UBE2D4: variants seen among roughly 807,000 people sequenced by gnomAD.
UBE2D4 encodes the protein ubiquitin-conjugating enzyme E2 D4.
A neutral mutation model predicts 23.0 loss-of-function variants in UBE2D4; 17 were observed. That is an observed-to-expected ratio of 0.74 (90% CI 0.51 to 1.11). The LOEUF is 1.11. Ranked by LOEUF, UBE2D4 falls within the 50% of genes least tolerant of loss-of-function variation. The pLI is 0.00. For missense variants in UBE2D4, 139 were observed against 181.8 expected, an observed-to-expected ratio of 0.76 and a Z score of 1.35; for synonymous variants, 61 against 69.4, an observed-to-expected ratio of 0.88 and a Z score of 0.60.
At chr7:43,929,859 T>C (rs1390259400) in intron 1 of UBE2D4, among the ~76,000 whole-genome samples, 2 of 152,228 alleles carry the variant, frequency 1.3e-5, no homozygotes, top group Non-Finnish European at 2.9e-5. Context: ...TAAAAGTGTG[T>C]CAAGCCTGCC....
At chr7:43,950,810 A>G in intron 6 of UBE2D4, 118 bp downstream of exon 6, 1 of 779,746 alleles carries the variant, frequency 1.3e-6, no homozygotes, top group Non-Finnish European at 2.2e-6. Flanking sequence ...CTTCCTGCCC[A>G]TGCTGAGCCA....
At chr7:43,951,990 C>T (rs1554297299) in intron 6 of UBE2D4, 1 of 151,828 alleles carries the variant, frequency 6.6e-6, no homozygotes, top group Non-Finnish European at 1.5e-5. Context: ...TTTTTCAGTG[C>T]CTCTTGTAAC....
rs1193280461 is a variant in UBE2D4 at position 43,953,238 on chromosome 7, T to C, written c.*543T>C. ...ACAGTGTCACTGGGAAGTGAAGGCC[T>C]AGCCCTGTGGCTTCCACCAGTCTCC... On this transcript the variant is annotated 3_prime_UTR_variant, in exon 7 of 7. Transcript: ENST00000222402. 6.6e-6 allele frequency: 3 copies of C among 456,252 alleles called. No individual in the cohort carries two copies. Among genetic ancestry groups the C allele is most frequent in the Non-Finnish European group, 1.3e-5 (3 of 226,870 alleles). The allele number at this position is 456,252 out of a possible 1,614,324, so 28.3% of individuals were successfully genotyped here.
intron 1 of UBE2D4, among the ~76,000 whole-genome samples, chr7:43,933,013 T>TATATATACAC (rs1340458201): frequency 0.043 from 4,969 of 116,558 alleles, 357 homozygotes; most frequent in South Asian, 0.06. Flanking sequence ...TATATATATA[T>TATATATACAC]ACACACACAT....
At chr7:43,933,188 T>C (rs1214442274) in intron 1 of UBE2D4, among the ~76,000 whole-genome samples, 16 of 151,494 alleles carry the variant, frequency 1.1e-4, no homozygotes, top group Admixed American at 1.1e-3. Context: ...TACCTATTCA[T>C]GTAATTGTAG....
At chr7:43,938,318 T>C in intron 1 of UBE2D4, 113 bp from the exon 2 acceptor site, 1 of 983,754 alleles carries the variant, frequency 1.0e-6, no homozygotes, top group Non-Finnish European at 1.6e-6. Flanking sequence ...AACCCCCTCC[T>C]GAGGCCTAGG....
rs760556587 is a variant in UBE2D4, at chr7:43,948,695, A to AT, written c.263dup (p.Leu89ProfsTer29). 1 of 1,613,968 alleles carries AT rather than the reference A, an allele frequency of 6.2e-7. No individual in the cohort carries two copies. The highest frequency in any genetic ancestry group is 1.1e-5 in the South Asian group (1 of 91,074). On this transcript the variant is annotated frameshift_variant, in exon 5 of 7. Coordinates refer to ENST00000222402, the MANE Select transcript of UBE2D4 (RefSeq NM_015983.4). LOFTEE classifies it high-confidence loss of function. ...CAGCAATGGCAGCATCTGCCTTGAT[A>AT]TCCTGCGGTCTCAGTGGTCTCCAGC... is the stretch of plus-strand genomic sequence containing the variant.
Position 43,926,442 on chromosome 7 carries a change from C to G in UBE2D4, c.-91C>G. On this transcript the variant is annotated 5_prime_UTR_variant, in exon 1 of 7. Transcript: ENST00000222402. ...GCGCGCGCAAGCGCAGGCTGCGGCT[C>G]CCGGCGTGCAGCTTGGTGGCGGCTG... 1 of 1,190,264 alleles carries G rather than the reference C, an allele frequency of 8.4e-7. No individual in the cohort carries two copies. Among genetic ancestry groups the G allele is most frequent in the Non-Finnish European group, 1.1e-6 (1 of 924,634 alleles). 73.7% of individuals were successfully genotyped at this position (1,190,264 alleles called of 1,614,324 possible).
chr7:43,930,609 C>A lies in UBE2D4; in HGVS notation c.24+4053C>A, dbSNP rs184185398. ...AGCTGGGATTACAGGTGCCTGCCAC[C>A]ACATCTGGCTAATTTAAAATTTTTT... On this transcript the variant is annotated intron_variant, in intron 1 of 6. Transcript: ENST00000222402. Among the ~76,000 whole-genome samples the A allele has an allele frequency of 2.8e-4, 43 of 152,088 alleles. No individual in the cohort carries two copies. In the East Asian group the frequency reaches 7.7e-3, roughly 27 times the overall value.
intron 1 of UBE2D4, among the ~76,000 whole-genome samples, chr7:43,936,100 T>G (rs1216746029): frequency 1.3e-5 from 2 of 152,248 alleles, no homozygotes; most frequent in Admixed American, 1.3e-4. Context: ...CTCGAACTCC[T>G]GACATCAGGC....
At chr7:43,938,403 A>C in intron 1 of UBE2D4, 28 bp from the exon 2 acceptor site, 1 of 1,609,978 alleles carries the variant, frequency 6.2e-7, no homozygotes, top group South Asian at 1.1e-5. Context: ...AGCATACAGC[A>C]GCTCTGACCC....
intron 1 of UBE2D4, among the ~76,000 whole-genome samples, chr7:43,932,460 A>G (rs138264490): frequency 6.2e-4 from 95 of 152,332 alleles, no homozygotes; most frequent in African/African-American, 2.3e-3. Flanking sequence ...TACATATTTA[A>G]CACATATATT....
At position 43,948,689 on chromosome 7, in the gene UBE2D4, C is replaced by A; in HGVS notation, c.256C>A (p.Leu86Ile). ...TATCAACAGCAATGGCAGCATCTGC[C>A]TTGATATCCTGCGGTCTCAGTGGTC... ...PNINSNGSICLDILRSQWSPA... is the reference protein window; with the variant it reads ...PNINSNGSICIDILRSQWSPA... The change falls in exon 5 of 7, where the codon CTT becomes ATT. Residue 86 changes from leucine (L) to isoleucine (I), a missense_variant. Physicochemically the swap from Leu to Ile is conservative, Grantham distance 5 (BLOSUM62 2). Coordinates refer to ENST00000222402, the MANE Select transcript of UBE2D4 (RefSeq NM_015983.4). 6.2e-7 allele frequency: 1 copy of A among 1,613,842 alleles called. No individual in the cohort carries two copies. Among genetic ancestry groups the A allele is most frequent in the Non-Finnish European group, 8.5e-7 (1 of 1,179,944 alleles).
chr7:43,952,491 T>A, intron 6 of UBE2D4, 159 bp from the exon 7 acceptor site: 1 of 682,834 alleles, frequency 1.5e-6, no homozygotes, highest in Non-Finnish European at 2.6e-6. Flanking sequence ...GATGTGCTCC[T>A]GCTCCAGGGA....
chr7:43,928,281 A>G (rs1190994039), intron 1 of UBE2D4, among the ~76,000 whole-genome samples: 1 of 152,166 alleles, frequency 6.6e-6, no homozygotes, highest in African/African-American at 2.4e-5. Context: ...AACACTGGCG[A>G]TCACATTTCA....
intron 2 of UBE2D4, among the ~76,000 whole-genome samples, chr7:43,938,717 TC>T (rs1383253326): frequency 1.3e-5 from 2 of 152,140 alleles, no homozygotes; most frequent in African/African-American, 2.4e-5. Context: ...ATGCCTGTAA[TC>T]CCAGCTACTT....
At chr7:43,935,477 A>G (rs1019417995) in intron 1 of UBE2D4, among the ~76,000 whole-genome samples, 1 of 152,148 alleles carries the variant, frequency 6.6e-6, no homozygotes, top group African/African-American at 2.4e-5. Flanking sequence ...TGGCCACAGA[A>G]TACATATTTT....
intron 1 of UBE2D4, among the ~76,000 whole-genome samples, chr7:43,936,466 T>C (rs1182044340): frequency 6.6e-6 from 1 of 152,118 alleles, no homozygotes. Flanking sequence ...AAACTTAATC[T>C]ACTTAATCCT....
chr7:43,952,124 TTC>T (rs1441089240), intron 6 of UBE2D4: 1 of 156,966 alleles, frequency 6.4e-6, no homozygotes, highest in Non-Finnish European at 1.4e-5. Context: ...ACATACAGAC[TTC>T]TCTAGTTTCC....
Sources: gnomAD v4.1 joint callset for allele counts (sites outside exome capture counted in the v4.1 genomes callset) on GRCh38, gnomAD v4.1.1 for gene constraint, MANE v1.5 for transcripts, NCBI Gene and HGNC (gene_info 2026-07-23, HGNC 2026-07-21) for gene names.